Variants in MYO1H observed in about 807,000 individuals in gnomAD.
MYO1H encodes the protein unconventional myosin-Ih.
In MYO1H, 118 loss-of-function variants were observed where a neutral mutation model predicts 149.3. The ratio of observed to expected loss-of-function variants is 0.79; its 90% CI spans 0.68 to 0.92. The LOEUF is 0.92. Among genes scored for constraint, MYO1H ranks in the 40% least tolerant of loss-of-function variants. The pLI, the probability that MYO1H is intolerant of heterozygous loss-of-function variation, is 0.00. For synonymous variants in MYO1H, 447 were observed against 465.2 expected, an observed-to-expected ratio of 0.96 and a Z score of 0.50; for missense variants, 1,212 against 1,280.7, an observed-to-expected ratio of 0.95 and a Z score of 0.82.
Position 109,427,588 on chromosome 12 carries a change from T to TAA in MYO1H, c.1949+5_1949+6dup, listed in dbSNP as rs776828882. The TAA allele has an allele frequency of 6.3e-7, 1 of 1,595,044 alleles. No homozygotes were observed. Among genetic ancestry groups the TAA allele is most frequent in the Non-Finnish European group, 8.6e-7 (1 of 1,163,272 alleles). ...GAAATACGAGCATTTCTTGCAAAGG[T>TAA]AAAATGTGCTTTATTGATCTGAAGC... On this transcript the variant is annotated splice_region_variant and intron_variant, in intron 19 of 31. Transcript: ENST00000310903.
chr12:109,340,776 T>A, the MYO1H span, among the ~76,000 whole-genome samples: 1 of 152,234 alleles, frequency 6.6e-6, no homozygotes, highest in East Asian at 1.9e-4. Flanking sequence ...CAAATCTGTC[T>A]ATGATTTTTA....
rs2137049927 is a variant in MYO1H at position 109,401,230 on chromosome 12, G to A, written c.708G>A (p.Leu236=). ...GCGAAGAGGAGCGCCTGTCTTACCTGGGACTCGAGCGAGACCCCCAGCTGT... is the reference window on the plus strand; with the variant it reads ...GCGAAGAGGAGCGCCTGTCTTACCTAGGACTCGAGCGAGACCCCCAGCTGT... Residue 236 remains leucine (L), a synonymous_variant, in exon 6 of 32, where the codon CTG becomes CTA. Coordinates refer to ENST00000310903, the Ensembl canonical transcript of MYO1H. The A allele has an allele frequency of 1.9e-6, 3 of 1,613,482 alleles. 1 individual carries two copies. The East Asian group carries it at 6.7e-5, about 36-fold the overall frequency.
chr12:109,429,234 A>C (rs1592813883), intron 19 of MYO1H, among the ~76,000 whole-genome samples: 1 of 152,168 alleles, frequency 6.6e-6, no homozygotes, highest in Admixed American at 6.5e-5. Flanking sequence ...GTGAGCAGCT[A>C]TCTGAGCTAG....
intron 27 of MYO1H, among the ~76,000 whole-genome samples, chr12:109,442,760 T>C (rs1872196150): frequency 6.7e-6 from 1 of 148,828 alleles, no homozygotes; most frequent in South Asian, 2.1e-4. Flanking sequence ...CAGCAGCAGG[T>C]GAAGCCCTGG....
At chr12:109,356,370 G>T (rs990001282) in intron 1 of MYO1H, among the ~76,000 whole-genome samples, 3 of 146,252 alleles carry the variant, frequency 2.1e-5, no homozygotes, top group Non-Finnish European at 4.5e-5. Flanking sequence ...GGCAAGAAAA[G>T]CCCTTTCTGT....
the MYO1H span, among the ~76,000 whole-genome samples, chr12:109,337,831 G>A: frequency 5.3e-5 from 8 of 152,202 alleles, no homozygotes; most frequent in East Asian, 1.5e-3. Flanking sequence ...TAATCTGAGG[G>A]TAGTACAATA....
chr12:109,411,958 A>G, exon 14 of MYO1H: 1 of 1,603,370 alleles, frequency 6.2e-7, no homozygotes, highest in Non-Finnish European at 8.5e-7. Context: ...TTGGAAGAGA[A>G]AGTGGGCAAA....
the MYO1H span, among the ~76,000 whole-genome samples, chr12:109,325,777 C>T: frequency 6.6e-6 from 1 of 152,190 alleles, no homozygotes; most frequent in Non-Finnish European, 1.5e-5. Context: ...AGAGACCCTT[C>T]TCAAAAGAAG....
intron 1 of MYO1H, among the ~76,000 whole-genome samples, chr12:109,385,299 C>CTT (rs3068977): frequency 0.25 from 35,478 of 144,108 alleles, 5,189 homozygotes; most frequent in East Asian, 0.39. Context: ...TCTTTCTTTT[C>CTT]TTTTTTTTTT....
At chr12:109,436,064 T>C (rs1448709156) in intron 21 of MYO1H, among the ~76,000 whole-genome samples, 2 of 152,182 alleles carry the variant, frequency 1.3e-5, no homozygotes, top group African/African-American at 2.4e-5. Flanking sequence ...GAGTGTTCTC[T>C]GATCAGACCT....
intron 1 of MYO1H, among the ~76,000 whole-genome samples, chr12:109,357,961 G>A (rs60819157): frequency 0.44 from 66,534 of 151,828 alleles, 15,202 homozygotes; most frequent in African/African-American, 0.55. Context: ...TAAAACAGGC[G>A]GTGGGCTGGA....
intron 1 of MYO1H, chr12:109,354,131 C>T (rs1237145958): frequency 2.0e-5 from 3 of 152,058 alleles, no homozygotes; most frequent in Non-Finnish European, 4.4e-5. Context: ...ATTTTTCATC[C>T]CCATCTGTCT....
chr12:109,402,979 G>A (rs1004743175), intron 6 of MYO1H, among the ~76,000 whole-genome samples: 2 of 152,124 alleles, frequency 1.3e-5, no homozygotes, highest in African/African-American at 2.4e-5. Context: ...CTTTGGAAAT[G>A]GGTCTAGCAA....
chr12:109,404,841 T>G (rs1870308314), intron 7 of MYO1H, among the ~76,000 whole-genome samples: 1 of 140,012 alleles, frequency 7.1e-6, no homozygotes, highest in African/African-American at 2.5e-5. Context: ...TTTTTACATC[T>G]TTTTGTCTTT....
the MYO1H span, among the ~76,000 whole-genome samples, chr12:109,338,149 G>A: frequency 6.2e-4 from 95 of 152,220 alleles, no homozygotes; most frequent in African/African-American, 2.0e-3. Context: ...GCTCACTGCA[G>A]CCTTGAACTC....
In MYO1H at chr12:109,425,743, G is replaced by C. The variant is rs540936976; in HGVS notation, c.1726-203G>C. 9.9e-5 allele frequency among the ~76,000 whole-genome samples: 15 copies of C among 152,274 alleles called. No homozygotes were observed. In the East Asian group the frequency reaches 2.9e-3, roughly 29 times the overall value. ...AGACAGATGCTTGTCCAGCTTCCACGTGACCAGACCAAGACTGGCCTTCTC... is the reference window on the plus strand; with the variant it reads ...AGACAGATGCTTGTCCAGCTTCCACCTGACCAGACCAAGACTGGCCTTCTC... On this transcript the variant is annotated intron_variant, in intron 17 of 31. Coordinates refer to ENST00000310903, the Ensembl canonical transcript of MYO1H.
intron 8 of MYO1H, 144 bp downstream of exon 8, chr12:109,406,179 G>A (rs1292122510): frequency 1.8e-5 from 11 of 619,754 alleles, no homozygotes; most frequent in African/African-American, 1.7e-4. Context: ...AAGAGTGGGG[G>A]TTTGAAGGAG....
At chr12:109,395,239 C>G (rs1256963335) in intron 3 of MYO1H, among the ~76,000 whole-genome samples, 1 of 152,128 alleles carries the variant, frequency 6.6e-6, no homozygotes, top group African/African-American at 2.4e-5. Context: ...TTTCCTGCCA[C>G]TCCATTTTTA....
At chr12:109,350,247 G>T (rs187137949) in intron 1 of MYO1H, among the ~76,000 whole-genome samples, 2 of 152,222 alleles carry the variant, frequency 1.3e-5, no homozygotes, top group African/African-American at 4.8e-5. Context: ...AGTTAGTTGG[G>T]TTGTAGGGAA....
Sources: allele counts gnomAD v4.1 joint callset (sites outside exome capture counted in the v4.1 genomes callset), GRCh38; gene constraint gnomAD v4.1.1; transcripts MANE v1.5; gene names NCBI Gene and HGNC (gene_info 2026-07-23, HGNC 2026-07-21).